PCDHGA6: variants seen among roughly 807,000 people sequenced by gnomAD.
The protein encoded by PCDHGA6 is protocadherin gamma subfamily A, 6.
Under a neutral mutation model 60.6 loss-of-function variants are expected in PCDHGA6, and 41 were observed. That is an observed-to-expected ratio of 0.68 (90% confidence interval 0.53 to 0.88). PCDHGA6 has a LOEUF of 0.88. PCDHGA6 is among the 40% of genes least tolerant of loss of function. PCDHGA6 has a pLI of 0.00. For missense variants in PCDHGA6, 1,312 were observed against 1,203.0 expected (o/e 1.09, Z -1.34); for synonymous variants, 594 against 524.4 (o/e 1.13, Z -1.81).
chr5:141,500,318 C>T (rs1005060282), intron 2 of PCDHGA6, among the ~76,000 whole-genome samples: 3 of 151,948 alleles, frequency 2.0e-5, no homozygotes, highest in African/African-American at 7.3e-5. Context: ...ACGCCATGCT[C>T]CTGCCTCAGC....
chr5:141,422,670 C>T, intron 1 of PCDHGA6: 1 of 1,607,244 alleles, frequency 6.2e-7, no homozygotes, highest in Non-Finnish European at 8.5e-7. Flanking sequence ...TCGACCCGGA[C>T]AGCAAACAGA....
chr5:141,459,993 G>T (rs1320315247), intron 1 of PCDHGA6, among the ~76,000 whole-genome samples: 1 of 152,164 alleles, frequency 6.6e-6, no homozygotes, highest in African/African-American at 2.4e-5. Context: ...CAGGAGAATC[G>T]CTTGAACCCA....
chr5:141,389,647 AG>A, intron 1 of PCDHGA6: 10 of 1,612,908 alleles, frequency 6.2e-6, no homozygotes, highest in Non-Finnish European at 8.5e-6. Flanking sequence ...TTGGTGACCA[AG>A]GTAGTGGCGG....
At chr5:141,484,598 T>C (rs2099598059) in intron 1 of PCDHGA6, among the ~76,000 whole-genome samples, 1 of 152,080 alleles carries the variant, frequency 6.6e-6, no homozygotes, top group Non-Finnish European at 1.5e-5. Flanking sequence ...TCATTTAGAA[T>C]ACTGGTTGAT....
chr5:141,409,000 C>A, intron 1 of PCDHGA6: 4 of 1,613,950 alleles, frequency 2.5e-6, no homozygotes, highest in Non-Finnish European at 3.4e-6. Flanking sequence ...AAGTGACAGC[C>A]ACTGACCAGG....
At chr5:141,410,914 C>T (rs1399369063) in intron 1 of PCDHGA6, 4 of 246,122 alleles carry the variant, frequency 1.6e-5, no homozygotes, top group Admixed American at 6.8e-5. Context: ...AGTGCAGTGG[C>T]GTGATCTCTG....
chr5:141,386,119 G>T (rs2090470238), intron 1 of PCDHGA6: 1 of 152,186 alleles, frequency 6.6e-6, no homozygotes, highest in Non-Finnish European at 1.5e-5. Context: ...ATCAAAGTGG[G>T]AGATTGGGGA....
rs760575047 is a variant in PCDHGA6 at position 141,493,887 on chromosome 5, G to A, written c.2425-920G>A. Among the ~76,000 whole-genome samples the A allele has an allele frequency of 1.3e-5, 2 of 152,184 alleles. No individual in the cohort carries two copies. The highest frequency in any genetic ancestry group is 2.4e-5 in the African/African-American group (1 of 41,448). On this transcript the variant is annotated intron_variant, in intron 1 of 3. Coordinates refer to ENST00000517434, the MANE Select transcript of PCDHGA6 (RefSeq NM_018919.3). The surrounding 1 kb of genome is among the most constrained non-coding windows in gnomAD (Gnocchi z 4.3). Reference sequence around the variant, plus strand: ...AGAACCAGTGAGGAGGTGGCTCTAGGAGTGCTCCATGAGAGTGTGTGATGG... The same window carrying A: ...AGAACCAGTGAGGAGGTGGCTCTAGAAGTGCTCCATGAGAGTGTGTGATGG...
chr5:141,375,348 T>A lies in PCDHGA6; in HGVS notation c.1265T>A (p.Val422Glu). Residue 422 changes from valine to glutamate, a missense_variant, in exon 1 of 4, where the codon GTG (valine) becomes GAG (glutamate). Physicochemically the swap from Val to Glu is moderately radical, Grantham distance 121 (BLOSUM62 -2). Coordinates refer to ENST00000517434, the MANE Select transcript of PCDHGA6 (RefSeq NM_018919.3). ...REEVFLYNIT[V>E]TATDKGTPPL... ...GAGGTATTCTTGTACAACATCACTG[T>A]GACAGCCACGGACAAAGGAACACCA... 6.2e-7 allele frequency: 1 copy of A among 1,613,870 alleles called. No homozygotes were observed. Among genetic ancestry groups the A allele is most frequent in the Non-Finnish European group, 8.5e-7 (1 of 1,179,918 alleles).
intron 1 of PCDHGA6, chr5:141,441,746 C>A: frequency 5.4e-6 from 2 of 371,314 alleles, no homozygotes; most frequent in East Asian, 9.8e-5. Flanking sequence ...TCGCGCTCGG[C>A]GTCAACGTGA....
At chr5:141,388,353 G>A (rs1441506976) in intron 1 of PCDHGA6, 1 of 1,613,858 alleles carries the variant, frequency 6.2e-7, no homozygotes, top group Non-Finnish European at 8.5e-7. Flanking sequence ...ATTAGGATCT[G>A]CCCATGATGC....
Position 141,431,141 on chromosome 5 carries a change from G to T in PCDHGA6, c.2424+54634G>T. 1.2e-6 allele frequency: 2 copies of T among 1,614,212 alleles called. No homozygotes were observed. Among genetic ancestry groups the T allele is most frequent in the South Asian group, 1.1e-5 (1 of 91,084 alleles). On this transcript the variant is annotated intron_variant, in intron 1 of 3. Coordinates refer to ENST00000517434, the MANE Select transcript of PCDHGA6 (RefSeq NM_018919.3). This position sits in a 1 kb window ranked among gnomAD's most constrained non-coding sequence, Gnocchi z 4.8. ...AGAAGTAGAAGTAAGGGACATTAACGACAATGCGCCTTACTTTCGTGAAAG... is the reference window on the plus strand; with the variant it reads ...AGAAGTAGAAGTAAGGGACATTAACTACAATGCGCCTTACTTTCGTGAAAG...
At position 141,491,711 on chromosome 5, in the gene PCDHGA6, C is replaced by T. The variant is rs528931820; in HGVS notation, c.2425-3096C>T. 1.5e-5 allele frequency: 24 copies of T among 1,609,240 alleles called. No homozygotes were observed. In the African/African-American group the frequency reaches 1.7e-4, roughly 12 times the overall value. On this transcript the variant is annotated intron_variant, in intron 1 of 3. Transcript: ENST00000517434. This position sits in a 1 kb window ranked among gnomAD's most constrained non-coding sequence, Gnocchi z 6.9. ...CGGGAGCGGAGCCAGGTGAGGGGCT[C>T]GGCGCCGCCCCGGGCGACCCCTGGG... is the stretch of plus-strand genomic sequence containing the variant.
Position 141,374,602 on chromosome 5 carries a change from T to C in PCDHGA6, c.519T>C (p.Ser173=). ...ACTCCCTTCAGGGATTTAAGCTCAG[T>C]GGTAATAGTCACTTCTCAGTGGACG... ...GMNSLQGFKL[S]GNSHFSVDVQ... is the part of the protein sequence containing the mutation. Residue 173 remains serine, a synonymous_variant, in exon 1 of 4, where the codon AGT becomes AGC. Transcript: ENST00000517434. 2 of 1,613,652 alleles carry C rather than the reference T, an allele frequency of 1.2e-6. No individual in the cohort carries two copies. Among genetic ancestry groups the C allele is most frequent in the Non-Finnish European group, 1.7e-6 (2 of 1,179,732 alleles).
At chr5:141,478,279 G>A (rs2099443292) in intron 1 of PCDHGA6, 1 of 1,614,202 alleles carries the variant, frequency 6.2e-7, no homozygotes, top group Middle Eastern at 1.6e-4. Context: ...ACAAGTGGAA[G>A]CAGTCTAGAG....
chr5:141,435,629 A>G (rs2097772414), intron 1 of PCDHGA6, among the ~76,000 whole-genome samples: 1 of 152,162 alleles, frequency 6.6e-6, no homozygotes, highest in Admixed American at 6.5e-5. Flanking sequence ...TAACTTTTAC[A>G]ACTATGGGAA....
intron 1 of PCDHGA6, chr5:141,395,537 ATTGT>A (rs1179408656): frequency 3.7e-5 from 9 of 243,938 alleles, no homozygotes; most frequent in Admixed American, 8.6e-5. Context: ...TAATTTTGCT[ATTGT>A]TTGTGTGTGT....
Position 141,392,774 on chromosome 5 carries a change from C to A in PCDHGA6, c.2424+16267C>A, listed in dbSNP as rs752798314. The A allele has an allele frequency of 2.0e-6, 3 of 1,520,452 alleles. No homozygotes were observed. The South Asian group carries it at 3.9e-5, about 20-fold the overall frequency. The allele number at this position is 1,520,452 out of a possible 1,614,324, so 94.2% of individuals were successfully genotyped here. A position where few individuals can be genotyped will look rare whatever the true frequency, so the allele number is the denominator to read the frequency against. On this transcript the variant is annotated intron_variant, in intron 1 of 3. Coordinates refer to ENST00000517434, the MANE Select transcript of PCDHGA6 (RefSeq NM_018919.3). ...AGAAACTAAATAAGACCCATTTATG[C>A]ACAGTGAAGATTCTGAGAGGATTCT...
At chr5:141,402,580 T>C (rs1217508250) in intron 1 of PCDHGA6, among the ~76,000 whole-genome samples, 3 of 152,226 alleles carry the variant, frequency 2.0e-5, no homozygotes, top group South Asian at 4.1e-4. Context: ...CTCAGATATC[T>C]AAAAAATAGA....
Sources: allele counts gnomAD v4.1 joint callset (sites outside exome capture counted in the v4.1 genomes callset), GRCh38; gene constraint gnomAD v4.1.1; non-coding constraint Gnocchi (gnomAD v3.1); transcripts MANE v1.5; gene names NCBI Gene and HGNC (gene_info 2026-07-23, HGNC 2026-07-21).